The following FGFR2 variants were observed in gnomAD, a reference collection of about 807,000 sequenced individuals.
FGFR2 encodes fibroblast growth factor receptor 2.
A neutral mutation model predicts 95.9 loss-of-function variants in FGFR2; 19 were observed. The observed-to-expected ratio is 0.20, with a 90% CI of 0.14 to 0.29. FGFR2 has a LOEUF of 0.29. Ranked by LOEUF, FGFR2 falls within the 10% of genes least tolerant of loss-of-function variation. The pLI, the probability that FGFR2 is intolerant of heterozygous loss-of-function variation, is 1.00. For synonymous variants in FGFR2, 392 were observed against 393.3 expected (o/e 1.00, Z 0.04); for missense variants, 707 against 1,056.9 (o/e 0.67, Z 4.59).
intron 1 of FGFR2, among the ~76,000 whole-genome samples, chr10:121,595,940 C>T (rs1365684919): frequency 6.6e-6 from 1 of 152,246 alleles, no homozygotes; most frequent in East Asian, 1.9e-4. Context: ...CTCTGGAAGG[C>T]GGAGACCTAA....
At chr10:121,497,811 A>C (rs1305152469) in intron 12 of FGFR2, among the ~76,000 whole-genome samples, 1 of 152,228 alleles carries the variant, frequency 6.6e-6, no homozygotes, top group Non-Finnish European at 1.5e-5. Flanking sequence ...AGACACGAGA[A>C]GTTGCGACAA....
intron 8 of FGFR2, among the ~76,000 whole-genome samples, chr10:121,516,467 T>C (rs1849723111): frequency 6.6e-6 from 1 of 152,244 alleles, no homozygotes; most frequent in South Asian, 2.1e-4. Context: ...TTATTTTTAC[T>C]AGATGTAAAA....
intron 4 of FGFR2, among the ~76,000 whole-genome samples, chr10:121,552,530 A>G (rs1253448658): frequency 6.6e-6 from 1 of 152,212 alleles, no homozygotes; most frequent in African/African-American, 2.4e-5. Context: ...TGCAGCCAAG[A>G]TTTGAACCAC....
intron 2 of FGFR2, among the ~76,000 whole-genome samples, chr10:121,573,067 A>G (rs1432607723): frequency 6.6e-6 from 1 of 152,236 alleles, no homozygotes; most frequent in Admixed American, 6.5e-5. Flanking sequence ...TGGAAACGGT[A>G]AGCTATTTCA....
At chr10:121,504,647 G>GGATGA in intron 9 of FGFR2, among the ~76,000 whole-genome samples, 1 of 152,190 alleles carries the variant, frequency 6.6e-6, no homozygotes, top group South Asian at 2.1e-4. Context: ...TAAACACGTG[G>GGATGA]GATGAAGCAT....
chr10:121,588,545 A>G (rs982988415), intron 2 of FGFR2, among the ~76,000 whole-genome samples: 1 of 152,206 alleles, frequency 6.6e-6, no homozygotes, highest in Admixed American at 6.5e-5. Context: ...AGCTAAAAAA[A>G]GTAGAGCCAT....
chr10:121,574,305 G>A (rs1439898321), intron 2 of FGFR2, among the ~76,000 whole-genome samples: 1 of 152,084 alleles, frequency 6.6e-6, no homozygotes, highest in Non-Finnish European at 1.5e-5. Context: ...CAGGCAGGTG[G>A]ATCACTTGAG....
Position 121,488,032 on chromosome 10 carries a change from T to G in FGFR2, c.1945A>C (p.Arg649=), listed in dbSNP as rs1334802600. The G allele has an allele frequency of 1.2e-6, 2 of 1,614,194 alleles. No homozygotes were observed. The highest frequency in any genetic ancestry group is 4.5e-5 in the East Asian group (2 of 44,876). The stretch of plus-strand genomic sequence containing the variant: ...TAATAGTCTATATTGTTGATATCTC[T>G]GGCGAGTCCAAAGTCTGCTATTTTC... The part of the protein sequence containing the change: ...VMKIADFGLA[R]DINNIDYYKK... The change falls in exon 14 of 18, where the codon AGA becomes CGA. Residue 649 remains arginine, a synonymous_variant. Coordinates refer to ENST00000358487, the MANE Select transcript of FGFR2 (RefSeq NM_000141.5).
At chr10:121,581,262 T>G (rs1178776540) in intron 2 of FGFR2, among the ~76,000 whole-genome samples, 2 of 152,190 alleles carry the variant, frequency 1.3e-5, no homozygotes, top group East Asian at 3.9e-4. Flanking sequence ...CAACGGCCTC[T>G]GCTCCACCTC....
At chr10:121,577,176 T>TAGAGAGAGAGAGAGAGAGAGAGAGAGAG (rs1278087472) in intron 2 of FGFR2, among the ~76,000 whole-genome samples, 1 of 7,488 alleles carries the variant, frequency 1.3e-4, no homozygotes, top group Non-Finnish European at 2.4e-4. Context: ...TATATATATA[T>TAGAGAGAGAGAGAGAGAGAGAGAGAGAG]ATAGAGAGAG....
intron 5 of FGFR2, among the ~76,000 whole-genome samples, chr10:121,549,313 C>A (rs943926535): frequency 6.6e-6 from 1 of 152,200 alleles, no homozygotes; most frequent in African/African-American, 2.4e-5. Context: ...CATTTACCTA[C>A]AGCAATGATG....
rs539706215 is a variant in FGFR2, at chr10:121,564,386, G to A, written c.454+116C>T. 8.8e-5 allele frequency: 85 copies of A among 961,338 alleles called. 1 individual carries two copies. Among genetic ancestry groups the A allele is most frequent in the Non-Finnish European group, 1.3e-4 (77 of 595,424 alleles). 59.6% of individuals were successfully genotyped at this position (961,338 alleles called of 1,614,324 possible). A position where few individuals can be genotyped will look rare whatever the true frequency, so the allele number is the denominator to read the frequency against. On this transcript the variant is annotated intron_variant, in intron 4 of 17. Coordinates refer to ENST00000358487, the MANE Select transcript of FGFR2 (RefSeq NM_000141.5). ...CAGGAAAGTAGACACAGCGGGGAAA[G>A]GCAAGGGCCGCGGGACACAGCATGG...
chr10:121,519,907 T>C, intron 7 of FGFR2, 72 bp downstream of exon 7: 1 of 1,451,088 alleles, frequency 6.9e-7, no homozygotes, highest in Non-Finnish European at 9.7e-7. Context: ...CAACAGGAAA[T>C]CAAAGAACCT....
intron 6 of FGFR2, among the ~76,000 whole-genome samples, chr10:121,535,162 G>A (rs1852655538): frequency 6.6e-6 from 1 of 152,180 alleles, no homozygotes; most frequent in African/African-American, 2.4e-5. Flanking sequence ...ACAGCTACCA[G>A]AAGCTGGGAG....
intron 1 of FGFR2, among the ~76,000 whole-genome samples, chr10:121,594,598 TTTCAGTC>T (rs985140433): frequency 2.0e-5 from 3 of 152,194 alleles, no homozygotes; most frequent in African/African-American, 4.8e-5. Context: ...GAGAAGTGTC[TTTCAGTC>T]TTCCGCCAAG....
chr10:121,551,667 A>G (rs1855429956), intron 4 of FGFR2, among the ~76,000 whole-genome samples: 2 of 151,860 alleles, frequency 1.3e-5, no homozygotes, highest in East Asian at 3.9e-4. Flanking sequence ...GTTCATGTCT[A>G]CCAACAGGAA....
chr10:121,569,742 C>T (rs1166342774), intron 2 of FGFR2, among the ~76,000 whole-genome samples: 1 of 152,198 alleles, frequency 6.6e-6, no homozygotes, highest in Non-Finnish European at 1.5e-5. Context: ...GCCATCCTGT[C>T]TTCAAAGTCT....
At chr10:121,504,988 T>C (rs956484277) in intron 9 of FGFR2, among the ~76,000 whole-genome samples, 5 of 152,192 alleles carry the variant, frequency 3.3e-5, no homozygotes, top group African/African-American at 1.2e-4. Flanking sequence ...CCACGATCCA[T>C]CTCCAAGCAG....
intron 2 of FGFR2, among the ~76,000 whole-genome samples, chr10:121,574,927 A>T (rs919754540): frequency 5.3e-5 from 8 of 152,216 alleles, no homozygotes; most frequent in African/African-American, 1.9e-4. Flanking sequence ...CTCTCTTTCT[A>T]ACCAGTTGTC....
Sources: allele counts gnomAD v4.1 joint callset (sites outside exome capture counted in the v4.1 genomes callset), GRCh38; gene constraint gnomAD v4.1.1; transcripts MANE v1.5; gene names NCBI Gene and HGNC (gene_info 2026-07-23, HGNC 2026-07-21).